FOXN2: variants seen among roughly 807,000 people sequenced by gnomAD.
The protein encoded by FOXN2 is forkhead box N2.
In FOXN2, 19 loss-of-function variants were observed where a neutral mutation model predicts 41.2. The ratio of observed to expected loss-of-function variants is 0.46; its 90% CI spans 0.32 to 0.68. FOXN2 has a LOEUF of 0.68. Among genes scored for constraint, FOXN2 ranks in the 30% least tolerant of loss-of-function variants. The pLI, the probability that FOXN2 is intolerant of heterozygous loss-of-function variation, is 0.03. For synonymous variants in FOXN2, 195 were observed against 176.8 expected (o/e 1.10, Z -0.82); for missense variants, 587 against 509.4 (o/e 1.15, Z -1.47).
intron 5 of FOXN2, among the ~76,000 whole-genome samples, chr2:48,371,190 G>A: frequency 6.6e-6 from 1 of 152,188 alleles, no homozygotes. Context: ...TTGAGGCCAG[G>A]AGTTTGAGAC....
At position 48,375,151 on chromosome 2, in the gene FOXN2, A is replaced by G. The variant is rs1673162823; in HGVS notation, c.1004A>G (p.Lys335Arg). ...SVDEVYEFIPKNSHVGSDGSE... is the reference protein window; with the variant it reads ...SVDEVYEFIPRNSHVGSDGSE... ...GATGAGGTATATGAATTTATCCCAA[A>G]GAATAGTCACGTGGGAAGTGATGGC... Residue 335 changes from lysine to arginine, a missense_variant, in exon 7 of 7, where the codon AAG becomes AGG. Transcript: ENST00000340553. The G allele has an allele frequency of 6.2e-7, 1 of 1,614,164 alleles. No homozygotes were observed. The highest frequency in any genetic ancestry group is 8.5e-7 in the Non-Finnish European group (1 of 1,180,010).
intron 2 of FOXN2, among the ~76,000 whole-genome samples, chr2:48,333,757 A>G (rs1670166978): frequency 6.6e-6 from 1 of 152,218 alleles, no homozygotes; most frequent in Admixed American, 6.5e-5. Context: ...GTGGCAAAAC[A>G]TGATCTGAGT....
At position 48,377,574 on chromosome 2, in the gene FOXN2, G is replaced by A. The variant is rs1040293266; in HGVS notation, c.*2131G>A. On this transcript the variant is annotated 3_prime_UTR_variant, in exon 7 of 7. Coordinates refer to ENST00000340553, the MANE Select transcript of FOXN2 (RefSeq NM_002158.4). ...ATCTTCAAAGTTATTTTGTCTTGAT[G>A]TATGTAACAGTAATTCTTTACATCT... 2.0e-5 allele frequency: 3 copies of A among 151,958 alleles called. No homozygotes were observed. Among genetic ancestry groups the A allele is most frequent in the Non-Finnish European group, 4.4e-5 (3 of 67,866 alleles). 9.4% of individuals were successfully genotyped at this position (151,958 alleles called of 1,614,324 possible).
At chr2:48,368,134 G>T (rs1163735075) in intron 5 of FOXN2, among the ~76,000 whole-genome samples, 3 of 151,778 alleles carry the variant, frequency 2.0e-5, no homozygotes, top group Non-Finnish European at 4.4e-5. Flanking sequence ...GAGCCACCAC[G>T]CTTAGCCAAA....
Position 48,376,163 on chromosome 2 carries a change from G to T in FOXN2, c.*720G>T, listed in dbSNP as rs1041966603. ...TCAGAGATCCTGCATAGCATTTATT[G>T]GGGCCTTTTATTCTTTCCCAAAGTG... On this transcript the variant is annotated 3_prime_UTR_variant, in exon 7 of 7. Coordinates refer to ENST00000340553, the MANE Select transcript of FOXN2 (RefSeq NM_002158.4). 6.6e-6 allele frequency: 1 copy of T among 152,096 alleles called. No individual in the cohort carries two copies. The highest frequency in any genetic ancestry group is 1.5e-5 in the Non-Finnish European group (1 of 67,998). The allele number at this position is 152,096 out of a possible 1,614,324, so 9.4% of individuals were successfully genotyped here.
intron 4 of FOXN2, among the ~76,000 whole-genome samples, chr2:48,360,121 T>C (rs926765357): frequency 1.3e-5 from 2 of 152,128 alleles, no homozygotes; most frequent in Non-Finnish European, 2.9e-5. Flanking sequence ...GTAACCCCTG[T>C]TGATCTTCTA....
chr2:48,364,048 A>C (rs759360208), intron 5 of FOXN2, among the ~76,000 whole-genome samples: 6 of 152,096 alleles, frequency 3.9e-5, no homozygotes, highest in Non-Finnish European at 7.4e-5. Context: ...ACAGGTGCAC[A>C]TGACTGTATT....
chr2:48,352,254 G>C (rs908608694), intron 3 of FOXN2, among the ~76,000 whole-genome samples: 7 of 152,184 alleles, frequency 4.6e-5, no homozygotes, highest in Non-Finnish European at 1.0e-4. Flanking sequence ...TTTCAGTGAA[G>C]ATGTGGGATT....
intron 3 of FOXN2, among the ~76,000 whole-genome samples, chr2:48,349,189 A>G (rs1271819290): frequency 6.6e-6 from 1 of 152,216 alleles, no homozygotes; most frequent in African/African-American, 2.4e-5. Context: ...AACGAAAAAC[A>G]TTGGATTCAA....
chr2:48,328,937 A>G (rs1669857437), intron 2 of FOXN2, among the ~76,000 whole-genome samples: 1 of 152,156 alleles, frequency 6.6e-6, no homozygotes, highest in African/African-American at 2.4e-5. Context: ...AGAACTTTAT[A>G]AATTATTTAG....
intron 2 of FOXN2, among the ~76,000 whole-genome samples, chr2:48,337,420 C>G (rs116221547): frequency 0.021 from 3,148 of 152,024 alleles, 60 homozygotes; most frequent in Non-Finnish European, 0.033. Flanking sequence ...GCCTCATCCT[C>G]CCAAAGTAGC....
At chr2:48,349,727 C>T (rs1432312793) in intron 3 of FOXN2, among the ~76,000 whole-genome samples, 3 of 152,182 alleles carry the variant, frequency 2.0e-5, no homozygotes, top group Non-Finnish European at 4.4e-5. Context: ...TGCCATTGCA[C>T]TCCAACCTGG....
chr2:48,368,652 A>G (rs909437370), intron 5 of FOXN2, among the ~76,000 whole-genome samples: 1 of 152,226 alleles, frequency 6.6e-6, no homozygotes, highest in South Asian at 2.1e-4. Context: ...TGATTGCACC[A>G]TTGCACTCCA....
chr2:48,373,391 T>A (rs780732535), intron 6 of FOXN2, 31 bp downstream of exon 6: 48 of 1,261,894 alleles, frequency 3.8e-5, no homozygotes, highest in South Asian at 1.3e-4. Flanking sequence ...TAAAAAAAAA[T>A]TTTAGTGCCT....
chr2:48,373,025 ATAAT>A lies in FOXN2; in HGVS notation c.704-263_704-260del, dbSNP rs544605361. Among the ~76,000 whole-genome samples, 539 of 152,090 alleles carry A rather than the reference ATAAT, an allele frequency of 3.5e-3. 9 individuals are homozygous for A. Among genetic ancestry groups the A allele is most frequent in the Non-Finnish European group, 2.0e-3 (137 of 67,952 alleles). ...GTTTAAGTTTTCGTTTTCATTGTGA[ATAAT>A]TAAAGAAGAGAACTTGCATTATTTC... On this transcript the variant is annotated intron_variant, in intron 5 of 6. Coordinates refer to ENST00000340553, the MANE Select transcript of FOXN2 (RefSeq NM_002158.4).
At position 48,353,552 on chromosome 2, in the gene FOXN2, CTGTGTGTGTGTGTGTGTGTGTGTGTG is replaced by C. The variant is rs57528113; in HGVS notation, c.538-5466_538-5441del. On this transcript the variant is annotated intron_variant, in intron 3 of 6. Transcript: ENST00000340553. ...GCCTTAGTAGAATAGTCACTTAAGA[CTGTGTGTGTGTGTGTGTGTGTGTGTG>C]TGTGTGTGTGTGTGTGTGTGTGTGT... is the stretch of plus-strand genomic sequence containing the variant. Among the ~76,000 whole-genome samples the C allele has an allele frequency of 2.4e-3, 311 of 128,920 alleles. 1 individual carries two copies. Among genetic ancestry groups the C allele is most frequent in the South Asian group, 0.021 (69 of 3,360 alleles). The allele number at this position is 128,920 out of a possible 152,430, so 84.6% of individuals were successfully genotyped here.
At chr2:48,331,991 A>G (rs575614617) in intron 2 of FOXN2, among the ~76,000 whole-genome samples, 1 of 152,284 alleles carries the variant, frequency 6.6e-6, no homozygotes, top group East Asian at 1.9e-4. Flanking sequence ...CGCATTTGTT[A>G]AAAGTATTAT....
At position 48,375,475 on chromosome 2, in the gene FOXN2, T is replaced by G. The variant is rs778147215; in HGVS notation, c.*32T>G. 6.4e-7 allele frequency: 1 copy of G among 1,551,264 alleles called. No individual in the cohort carries two copies. The highest frequency in any genetic ancestry group is 2.3e-5 in the East Asian group (1 of 44,140). On this transcript the variant is annotated 3_prime_UTR_variant, in exon 7 of 7. Coordinates refer to ENST00000340553, the MANE Select transcript of FOXN2 (RefSeq NM_002158.4). ...TTAAAGTGTGGCAATACTCTTTCAC[T>G]TAATTCTTTACAAGGGATATCAAAG...
chr2:48,357,356 T>G (rs1490104003), intron 3 of FOXN2, among the ~76,000 whole-genome samples: 1 of 152,176 alleles, frequency 6.6e-6, no homozygotes, highest in African/African-American at 2.4e-5. Context: ...GAGCGTAATC[T>G]CAGGAATTCC....
Sources: gnomAD v4.1 joint callset for allele counts (sites outside exome capture counted in the v4.1 genomes callset) on GRCh38, gnomAD v4.1.1 for gene constraint, MANE v1.5 for transcripts, NCBI Gene and HGNC (gene_info 2026-07-23, HGNC 2026-07-21) for gene names.